Variants in INPP5A observed in about 807,000 individuals in gnomAD.
INPP5A encodes inositol polyphosphate-5-phosphatase A, also known as 43 kDa inositol polyphosphate 5-phophatase.
A neutral mutation model predicts 65.2 loss-of-function variants in INPP5A; 14 were observed. The ratio of observed to expected loss-of-function variants is 0.21; its 90% CI spans 0.14 to 0.34. The LOEUF (loss-of-function observed/expected upper bound fraction) is 0.34. Ranked by LOEUF, INPP5A falls within the 10% of genes least tolerant of loss-of-function variation. INPP5A has a pLI of 1.00. For synonymous variants in INPP5A, 207 were observed against 208.3 expected, an observed-to-expected ratio of 0.99 and a Z score of 0.05; for missense variants, 431 against 545.6, an observed-to-expected ratio of 0.79 and a Z score of 2.09.
chr10:132,604,100 T>C (rs534865195), intron 1 of INPP5A, among the ~76,000 whole-genome samples: 5 of 139,258 alleles, frequency 3.6e-5, no homozygotes, highest in South Asian at 2.5e-4. Context: ...CGCCCTGTGC[T>C]GTCAGGGTCC....
intron 8 of INPP5A, among the ~76,000 whole-genome samples, chr10:132,712,554 G>T (rs1845660928): frequency 6.7e-6 from 1 of 149,240 alleles, no homozygotes; most frequent in Admixed American, 6.6e-5. Context: ...GTGGACACAT[G>T]TGAGTGCACT....
chr10:132,715,675 C>T (rs1429342330), intron 8 of INPP5A, among the ~76,000 whole-genome samples: 4 of 152,224 alleles, frequency 2.6e-5, no homozygotes, highest in Non-Finnish European at 4.4e-5. Flanking sequence ...AAAGCTGCTG[C>T]GTCTCCAGGC....
intron 12 of INPP5A, among the ~76,000 whole-genome samples, chr10:132,774,754 T>G (rs989723088): frequency 6.6e-5 from 10 of 151,324 alleles, no homozygotes; most frequent in African/African-American, 2.4e-4. Flanking sequence ...GCAAACAATC[T>G]GCCGTGCAGC....
intron 1 of INPP5A, among the ~76,000 whole-genome samples, chr10:132,590,616 G>A (rs1282710655): frequency 6.6e-6 from 1 of 152,220 alleles, no homozygotes; most frequent in Non-Finnish European, 1.5e-5. Flanking sequence ...GTGATCTCAA[G>A]CGTCGCGTCT....
intron 8 of INPP5A, among the ~76,000 whole-genome samples, chr10:132,719,022 C>A (rs1329305813): frequency 5.2e-5 from 6 of 115,746 alleles, no homozygotes; most frequent in African/African-American, 1.4e-4. Flanking sequence ...GACTGTCTTG[C>A]GGGTTCTGTG....
chr10:132,703,923 C>T (rs1229448970), intron 6 of INPP5A, among the ~76,000 whole-genome samples: 14 of 113,218 alleles, frequency 1.2e-4, no homozygotes, highest in Non-Finnish European at 2.4e-4. Context: ...CACACACACA[C>T]GCAAGCTTCA....
At chr10:132,689,007 G>C (rs1321775437) in intron 4 of INPP5A, among the ~76,000 whole-genome samples, 1 of 152,078 alleles carries the variant, frequency 6.6e-6, no homozygotes, top group African/African-American at 2.4e-5. Flanking sequence ...GTGCCTGTGA[G>C]TGCTTGTGCG....
intron 12 of INPP5A, among the ~76,000 whole-genome samples, chr10:132,773,830 T>G (rs12783367): frequency 1.3e-5 from 2 of 152,150 alleles, no homozygotes; most frequent in Non-Finnish European, 2.9e-5. Context: ...GTGGTGATCT[T>G]GCCTCACTGC....
Position 132,725,890 on chromosome 10 carries a change from C to T in INPP5A, c.648-931C>T, listed in dbSNP as rs370350243. Among the ~76,000 whole-genome samples the T allele has an allele frequency of 9.2e-5, 14 of 152,194 alleles. No homozygotes were observed. In the East Asian group the frequency reaches 2.1e-3, roughly 23 times the overall value. On this transcript the variant is annotated intron_variant, in intron 8 of 15. Transcript: ENST00000368594. The stretch of plus-strand genomic sequence containing the variant: ...CCAGAGTATTTCCTTTTTTTGTCTA[C>T]AGATCACATGTTTCTGTTCCACTGA...
chr10:132,610,974 T>C (rs2071937268), intron 2 of INPP5A, among the ~76,000 whole-genome samples: 1 of 151,022 alleles, frequency 6.6e-6, no homozygotes. Flanking sequence ...AGATGAGGAG[T>C]GCAGGGGAGA....
intron 4 of INPP5A, among the ~76,000 whole-genome samples, chr10:132,656,998 G>C (rs1321472654): frequency 5.3e-5 from 8 of 152,196 alleles, no homozygotes; most frequent in Non-Finnish European, 8.8e-5. Flanking sequence ...AGTTGGGTCT[G>C]GGGCAGCCAC....
chr10:132,701,756 C>G (rs773679838), intron 6 of INPP5A, among the ~76,000 whole-genome samples: 1 of 152,064 alleles, frequency 6.6e-6, no homozygotes, highest in Non-Finnish European at 1.5e-5. Flanking sequence ...GGCCACCCCA[C>G]CCCACCCCAG....
intron 8 of INPP5A, among the ~76,000 whole-genome samples, chr10:132,714,985 G>C (rs1845715321): frequency 6.6e-6 from 1 of 152,200 alleles, no homozygotes; most frequent in African/African-American, 2.4e-5. Context: ...ATCTGTGCTG[G>C]GCTGGGGTCC....
intron 1 of INPP5A, among the ~76,000 whole-genome samples, chr10:132,599,488 GC>G: frequency 6.6e-6 from 1 of 152,352 alleles, no homozygotes; most frequent in Admixed American, 6.5e-5. Context: ...GCATGGTACA[GC>G]CTCCCTCTCG....
intron 1 of INPP5A, among the ~76,000 whole-genome samples, chr10:132,597,648 C>CG (rs1318039797): frequency 2.0e-5 from 3 of 152,302 alleles, no homozygotes; most frequent in Admixed American, 2.0e-4. Flanking sequence ...GTGCATTGCA[C>CG]GTGTCTGCTT....
chr10:132,682,803 G>A (rs376187192), intron 4 of INPP5A, among the ~76,000 whole-genome samples: 6 of 151,868 alleles, frequency 4.0e-5, no homozygotes, highest in East Asian at 3.9e-4. Flanking sequence ...ACGTGTACAC[G>A]TGTGTGATCC....
intron 4 of INPP5A, among the ~76,000 whole-genome samples, chr10:132,681,182 G>T (rs1023778343): frequency 6.6e-6 from 1 of 152,172 alleles, no homozygotes; most frequent in Non-Finnish European, 1.5e-5. Context: ...ACCAATCAGC[G>T]CCCTGTCAAA....
chr10:132,546,193 C>G lies in INPP5A; in HGVS notation c.75+8022C>G, dbSNP rs1014051580. ...GTCCTGGGTGGGTTGGGGCTGGACA[C>G]CACTTCTGGGGCAGGTCTAGGGTGA... On this transcript the variant is annotated intron_variant, in intron 1 of 15. Transcript: ENST00000368594. This position sits in a 1 kb window ranked among gnomAD's most constrained non-coding sequence, Gnocchi z 5.7. 3.3e-5 allele frequency among the ~76,000 whole-genome samples: 5 copies of G among 152,216 alleles called. No homozygotes were observed. The highest frequency in any genetic ancestry group is 5.9e-5 in the Non-Finnish European group (4 of 68,036).
At chr10:132,720,361 T>G (rs1845845474) in intron 8 of INPP5A, among the ~76,000 whole-genome samples, 1 of 147,360 alleles carries the variant, frequency 6.8e-6, no homozygotes, top group Non-Finnish European at 1.5e-5. Flanking sequence ...TTCAGGGTTC[T>G]GTGGTACCTG....
Sources: gnomAD v4.1 joint callset for allele counts (sites outside exome capture counted in the v4.1 genomes callset) on GRCh38, gnomAD v4.1.1 for gene constraint, Gnocchi (gnomAD v3.1) non-coding constraint, MANE v1.5 for transcripts, NCBI Gene and HGNC (gene_info 2026-07-23, HGNC 2026-07-21) for gene names.